Variants in DDX4 observed in about 807,000 individuals in gnomAD.
DDX4 encodes probable ATP-dependent RNA helicase DDX4.
Under a neutral mutation model 100.0 loss-of-function variants are expected in DDX4, and 25 were observed. The ratio of observed to expected loss-of-function variants is 0.25; its 90% CI spans 0.18 to 0.35. The LOEUF (loss-of-function observed/expected upper bound fraction) is 0.35, where lower values mean the gene tolerates loss of function less well. DDX4 is among the 10% of genes least tolerant of loss of function. DDX4 has a pLI of 1.00. For synonymous variants in DDX4, 259 were observed against 275.7 expected (o/e 0.94, Z 0.60); for missense variants, 635 against 882.4 (o/e 0.72, Z 3.55).
chr5:55,809,092 CATGGGGGT>C (rs1743948195), intron 18 of DDX4, among the ~76,000 whole-genome samples: 1 of 152,236 alleles, frequency 6.6e-6, no homozygotes, highest in Non-Finnish European at 1.5e-5. Context: ...AGCGAGGCTC[CATGGGGGT>C]AGGACCCTTT....
chr5:55,810,100 A>G (rs1561518889), intron 18 of DDX4, among the ~76,000 whole-genome samples: 1 of 151,934 alleles, frequency 6.6e-6, no homozygotes, highest in South Asian at 2.1e-4. Flanking sequence ...GAAGTGCTTC[A>G]TATTTTTTTT....
chr5:55,779,791 TAGTAA>T (rs984838041), intron 7 of DDX4, among the ~76,000 whole-genome samples, 168 bp from the exon 8 acceptor site: 49 of 152,326 alleles, frequency 3.2e-4, no homozygotes, highest in African/African-American at 1.1e-3. Context: ...CTATTTATAT[TAGTAA>T]AATTGAACAC....
At chr5:55,744,430 C>T (rs568652644) in intron 2 of DDX4, among the ~76,000 whole-genome samples, 76 of 152,034 alleles carry the variant, frequency 5.0e-4, no homozygotes, top group Non-Finnish European at 9.1e-4. Context: ...AGGAAGTTTA[C>T]GTGAGAAGAA....
rs773476083 is a variant in DDX4, at chr5:55,792,689, A to T, written c.1351A>T (p.Met451Leu). 3 of 1,598,700 alleles carry T rather than the reference A, an allele frequency of 1.9e-6. No homozygotes were observed. Among genetic ancestry groups the T allele is most frequent in the Non-Finnish European group, 2.6e-6 (3 of 1,171,148 alleles). Residue 451 changes from methionine to leucine, a missense_variant, in exon 17 of 22, where the codon ATG becomes TTG. Coordinates refer to ENST00000505374, the MANE Select transcript of DDX4 (RefSeq NM_024415.3). ...KYLVLDEADR[M>L]LDMGFGPEMK... ...CTTAGTTTTGGATGAAGCTGATCGC[A>T]TGTTGGATATGGGTTTTGGTCCAGA...
At chr5:55,814,711 C>G (rs766476059) in intron 19 of DDX4, among the ~76,000 whole-genome samples, 190 bp from the exon 20 acceptor site, 1 of 152,098 alleles carries the variant, frequency 6.6e-6, no homozygotes, top group East Asian at 1.9e-4. Context: ...AGACTGGTCT[C>G]GATCTCCTCA....
intron 10 of DDX4, among the ~76,000 whole-genome samples, chr5:55,782,628 TTAATAAAA>T (rs536145059): frequency 8.7e-4 from 133 of 152,040 alleles, no homozygotes; most frequent in Admixed American, 1.7e-3. Flanking sequence ...AAAAAACTGT[TTAATAAAA>T]TAATAATCAT....
At chr5:55,749,660 T>TA (rs1759432377) in intron 3 of DDX4, among the ~76,000 whole-genome samples, 2 of 152,190 alleles carry the variant, frequency 1.3e-5, no homozygotes, top group Admixed American at 1.3e-4. Flanking sequence ...TCCCACTCTG[T>TA]CCTCACTATA....
chr5:55,783,255 C>T (rs1401081294), intron 10 of DDX4, among the ~76,000 whole-genome samples: 1 of 151,926 alleles, frequency 6.6e-6, no homozygotes, highest in Non-Finnish European at 1.5e-5. Context: ...CCTGCTGATT[C>T]TTGGATTCTT....
At chr5:55,739,529 C>T (rs915747684) in intron 2 of DDX4, among the ~76,000 whole-genome samples, 16 of 152,000 alleles carry the variant, frequency 1.1e-4, no homozygotes, top group African/African-American at 3.9e-4. Flanking sequence ...ATTTAGGGGA[C>T]AGTGGGGTAA....
chr5:55,776,530 GA>G lies in DDX4; in HGVS notation c.395-3428del, dbSNP rs369327543. ...TTTTAAAACCTATAAAACTACTAGA[GA>G]AAAAAGGTAGATTCACCTTTAGAAG... On this transcript the variant is annotated intron_variant, in intron 7 of 21. Coordinates refer to ENST00000505374, the MANE Select transcript of DDX4 (RefSeq NM_024415.3). Among the ~76,000 whole-genome samples the G allele has an allele frequency of 1.3e-3, 204 of 152,226 alleles. 1 individual carries two copies. The highest frequency in any genetic ancestry group is 4.8e-3 in the African/African-American group (199 of 41,554).
Position 55,816,702 on chromosome 5 carries a change from A to T in DDX4, c.*162A>T. 1 of 1,252,596 alleles carries T rather than the reference A, an allele frequency of 8.0e-7. No homozygotes were observed. The highest frequency in any genetic ancestry group is 1.1e-6 in the Non-Finnish European group (1 of 939,946). 77.6% of individuals were successfully genotyped at this position (1,252,596 alleles called of 1,614,324 possible). Reference sequence around the variant, plus strand: ...AAAATCCTTACTGACTAGTTATGTGAGATGCTAAAACTTACAACATTGCAG... The same window carrying T: ...AAAATCCTTACTGACTAGTTATGTGTGATGCTAAAACTTACAACATTGCAG... On this transcript the variant is annotated 3_prime_UTR_variant, in exon 22 of 22. Coordinates refer to ENST00000505374, the MANE Select transcript of DDX4 (RefSeq NM_024415.3).
Position 55,803,546 on chromosome 5 carries a change from A to G in DDX4, c.1615+4975A>G, listed in dbSNP as rs10063328. On this transcript the variant is annotated intron_variant, in intron 18 of 21. Transcript: ENST00000505374. ...TGTGTCCATGTGTTCTCATTGTTCAATTCCCACCTATGAGTGAGAATATGC... is the reference window on the plus strand; with the variant it reads ...TGTGTCCATGTGTTCTCATTGTTCAGTTCCCACCTATGAGTGAGAATATGC... Among the ~76,000 whole-genome samples, 453 of 136,424 alleles carry G rather than the reference A, an allele frequency of 3.3e-3. 3 individuals carry two copies. The highest frequency in any genetic ancestry group is 0.012 in the African/African-American group (432 of 35,854). 89.5% of individuals were successfully genotyped at this position (136,424 alleles called of 152,430 possible).
At chr5:55,814,760 G>A (rs1329549132) in intron 19 of DDX4, 141 bp from the exon 20 acceptor site, 1 of 827,018 alleles carries the variant, frequency 1.2e-6, no homozygotes, top group Non-Finnish European at 1.9e-6. Context: ...AAAGTGCTGG[G>A]GTTACAGGTG....
At chr5:55,772,298 T>C (rs1741303557) in intron 7 of DDX4, among the ~76,000 whole-genome samples, 1 of 152,232 alleles carries the variant, frequency 6.6e-6, no homozygotes, top group Non-Finnish European at 1.5e-5. Context: ...CATATAGATG[T>C]TCAGTTGACC....
chr5:55,814,231 A>T (rs1744264936), intron 19 of DDX4, among the ~76,000 whole-genome samples: 1 of 152,232 alleles, frequency 6.6e-6, no homozygotes, highest in Non-Finnish European at 1.5e-5. Context: ...TATACTTTAA[A>T]AATATGTTTT....
At chr5:55,784,690 G>T (rs575368250) in intron 10 of DDX4, among the ~76,000 whole-genome samples, 177 of 152,298 alleles carry the variant, frequency 1.2e-3, no homozygotes, top group African/African-American at 3.9e-3. Context: ...CAGAAGGTGA[G>T]TACATTATTA....
At chr5:55,767,808 A>T in intron 6 of DDX4, 73 bp from the exon 7 acceptor site, 2 of 1,027,708 alleles carry the variant, frequency 1.9e-6, no homozygotes, top group Non-Finnish European at 2.9e-6. Context: ...TTATCTTGTG[A>T]CAGTGCTATT....
intron 2 of DDX4, among the ~76,000 whole-genome samples, chr5:55,739,894 A>G (rs1758882962): frequency 6.6e-6 from 1 of 151,940 alleles, no homozygotes; most frequent in South Asian, 2.1e-4. Flanking sequence ...ATAACATGTT[A>G]CCTTTTTTTT....
intron 18 of DDX4, among the ~76,000 whole-genome samples, chr5:55,812,332 C>T (rs961597896): frequency 4.6e-5 from 7 of 152,178 alleles, no homozygotes; most frequent in Admixed American, 2.0e-4. Flanking sequence ...GAGGCCGAGG[C>T]GGGCGGATCA....
Sources: allele counts gnomAD v4.1 joint callset (sites outside exome capture counted in the v4.1 genomes callset), GRCh38; gene constraint gnomAD v4.1.1; transcripts MANE v1.5; gene names NCBI Gene and HGNC (gene_info 2026-07-23, HGNC 2026-07-21).